Variants in RBPJ observed in about 807,000 individuals in gnomAD.
The protein encoded by RBPJ is recombining binding protein suppressor of hairless.
A neutral mutation model predicts 67.8 loss-of-function variants in RBPJ; 9 were observed. The ratio of observed to expected loss-of-function variants is 0.13; its 90% CI spans 0.08 to 0.23. The LOEUF (loss-of-function observed/expected upper bound fraction) is 0.23. RBPJ is among the 10% of genes least tolerant of loss of function. The pLI is 1.00. For missense variants in RBPJ, 305 were observed against 595.6 expected (o/e 0.51, Z 5.08); for synonymous variants, 198 against 203.3 (o/e 0.97, Z 0.22).
Position 26,343,360 on chromosome 4 carries a change from A to G in RBPJ, c.20+22312A>G, listed in dbSNP as rs75794942. ...GTTATAGACGTGGTTTCTGTCATCA[A>G]ATATTTTTGCTCACAGTAGCTACTG... On this transcript the variant is annotated intron_variant, in intron 1 of 10. Coordinates refer to ENST00000355476, the MANE Select transcript of RBPJ (RefSeq NM_015874.6). 532 of 152,286 alleles carry G rather than the reference A, an allele frequency of 3.5e-3. 4 individuals are homozygous for G. The highest frequency in any genetic ancestry group is 0.012 in the African/African-American group (507 of 41,558). The allele number at this position is 152,286 out of a possible 1,614,324, so 9.4% of individuals were successfully genotyped here.
chr4:26,319,025 AC>A (rs1338505935), upstream of RBPJ, among the ~76,000 whole-genome samples: 3 of 149,160 alleles, frequency 2.0e-5, no homozygotes. Flanking sequence ...AAAAAAAGAA[AC>A]CAATTGCTAA....
intron 1 of RBPJ, among the ~76,000 whole-genome samples, chr4:26,258,665 G>A (rs1156473255): frequency 6.8e-6 from 1 of 146,328 alleles, no homozygotes; most frequent in Non-Finnish European, 1.5e-5. Flanking sequence ...AGACACCTTT[G>A]TAAGTGTAAT....
chr4:26,316,970 C>T (rs1369755916), upstream of RBPJ, among the ~76,000 whole-genome samples: 1 of 148,936 alleles, frequency 6.7e-6, no homozygotes, highest in African/African-American at 2.5e-5. Context: ...GCTTAGTCTT[C>T]AGAATCATTT....
chr4:26,155,002 G>A, the RBPJ span, among the ~76,000 whole-genome samples: 2 of 152,140 alleles, frequency 1.3e-5, no homozygotes, highest in Non-Finnish European at 2.9e-5. Flanking sequence ...ATCAGGGCTG[G>A]ACATAAAGAA....
At chr4:26,211,808 T>C (rs1340603436) in intron 1 of RBPJ, among the ~76,000 whole-genome samples, 1 of 152,184 alleles carries the variant, frequency 6.6e-6, no homozygotes, top group East Asian at 1.9e-4. Flanking sequence ...AATATGATCT[T>C]ATTTAGAAAT....
intron 1 of RBPJ, among the ~76,000 whole-genome samples, chr4:26,198,254 C>CAAAAAACA (rs56026517): frequency 2.0e-5 from 3 of 148,968 alleles, no homozygotes; most frequent in East Asian, 2.0e-4. Context: ...AACTCCATCT[C>CAAAAAACA]AAAAAACAAA....
rs186981369 is a variant in RBPJ at position 26,425,919 on chromosome 4, T to G, written c.747+1176T>G. Among the ~76,000 whole-genome samples the G allele has an allele frequency of 9.2e-5, 14 of 152,180 alleles. No homozygotes were observed. The East Asian group carries it at 2.7e-3, about 29-fold the overall frequency. ...CATTTCAGCAGAGGCTGGTTTGATC[T>G]ACAGTTTTCTAAGCCAGTGATTCAT... On this transcript the variant is annotated intron_variant, in intron 7 of 10. Transcript: ENST00000355476.
At chr4:26,132,470 G>T in the RBPJ span, among the ~76,000 whole-genome samples, 1 of 129,830 alleles carries the variant, frequency 7.7e-6, no homozygotes, top group South Asian at 2.6e-4. Flanking sequence ...GCTGCTCATG[G>T]CACCTGCTCC....
chr4:26,170,539 G>A (rs1459616652), intron 1 of RBPJ, among the ~76,000 whole-genome samples: 5 of 100,978 alleles, frequency 5.0e-5, no homozygotes, highest in African/African-American at 1.8e-4. Context: ...GTAAGGCCCT[G>A]TCTAAAAAAA....
chr4:26,399,172 C>T (rs1200606008), intron 2 of RBPJ, among the ~76,000 whole-genome samples: 1 of 152,212 alleles, frequency 6.6e-6, no homozygotes, highest in East Asian at 1.9e-4. Flanking sequence ...GCACTTTCTT[C>T]CCTTCCTTTC....
chr4:26,247,782 A>C (rs957772870), intron 1 of RBPJ, among the ~76,000 whole-genome samples: 7 of 152,304 alleles, frequency 4.6e-5, no homozygotes, highest in African/African-American at 1.7e-4. Flanking sequence ...TATAAAGACA[A>C]GTTACTGATA....
At chr4:26,165,180 T>C (rs1389670413) in intron 1 of RBPJ, among the ~76,000 whole-genome samples, 2 of 152,196 alleles carry the variant, frequency 1.3e-5, no homozygotes, top group Non-Finnish European at 2.9e-5. Context: ...CATTATTACC[T>C]CTTATATATG....
intron 2 of RBPJ, among the ~76,000 whole-genome samples, chr4:26,400,978 T>C (rs1314741312): frequency 1.3e-5 from 2 of 152,264 alleles, no homozygotes; most frequent in Non-Finnish European, 2.9e-5. Context: ...TTGGGTAACA[T>C]GCCTGATCAT....
intron 1 of RBPJ, among the ~76,000 whole-genome samples, chr4:26,269,012 T>C (rs1039841482): frequency 6.6e-6 from 1 of 152,160 alleles, no homozygotes; most frequent in Non-Finnish European, 1.5e-5. Flanking sequence ...TTGGCTGTTC[T>C]CCTGATACAC....
intron 1 of RBPJ, among the ~76,000 whole-genome samples, chr4:26,355,950 A>G (rs998321281): frequency 1.3e-5 from 2 of 152,202 alleles, no homozygotes; most frequent in Non-Finnish European, 2.9e-5. Context: ...CTTTTTAACT[A>G]TGTTAGAGGA....
intron 1 of RBPJ, among the ~76,000 whole-genome samples, chr4:26,291,206 G>T (rs1285611207): frequency 6.6e-6 from 1 of 151,082 alleles, no homozygotes; most frequent in Non-Finnish European, 1.5e-5. Flanking sequence ...TTGTTGGAAT[G>T]ACTAGTATAT....
chr4:26,248,826 G>C (rs778689215), intron 1 of RBPJ, among the ~76,000 whole-genome samples: 6 of 152,176 alleles, frequency 3.9e-5, no homozygotes, highest in Admixed American at 1.3e-4. Flanking sequence ...GAGAACAAGA[G>C]ACTAGAGATC....
chr4:26,424,199 C>A lies in RBPJ; in HGVS notation c.497-143C>A. ...CCTTGACTTTTTGATATCATCTGTA[C>A]TGTCTTGGAAAGTGAAAATATTTGT... On this transcript the variant is annotated intron_variant, in intron 5 of 10. Transcript: ENST00000355476. This position sits in a 1 kb window ranked among gnomAD's most constrained non-coding sequence, Gnocchi z 5.3. 1.4e-6 allele frequency: 1 copy of A among 706,476 alleles called. No homozygotes were observed. Among genetic ancestry groups the A allele is most frequent in the Non-Finnish European group, 2.3e-6 (1 of 431,900 alleles). 43.8% of individuals were successfully genotyped at this position (706,476 alleles called of 1,614,324 possible).
chr4:26,134,902 T>G, the RBPJ span, among the ~76,000 whole-genome samples: 2 of 152,142 alleles, frequency 1.3e-5, no homozygotes, highest in Admixed American at 1.3e-4. Flanking sequence ...CATGATGGCA[T>G]GAACGACCAT....
Sources: allele counts gnomAD v4.1 joint callset (sites outside exome capture counted in the v4.1 genomes callset), GRCh38; gene constraint gnomAD v4.1.1; non-coding constraint Gnocchi (gnomAD v3.1); transcripts MANE v1.5; gene names NCBI Gene and HGNC (gene_info 2026-07-23, HGNC 2026-07-21).